The following SOX6 variants were observed in gnomAD, a reference collection of about 807,000 sequenced individuals.
The protein encoded by SOX6 is SRY-box transcription factor 6.
A neutral mutation model predicts 97.8 loss-of-function variants in SOX6; 11 were observed. The ratio of observed to expected loss-of-function variants is 0.11; its 90% CI spans 0.07 to 0.19. The LOEUF (loss-of-function observed/expected upper bound fraction) is 0.19. SOX6 is among the 10% of genes least tolerant of loss of function. SOX6 has a pLI of 1.00. For synonymous variants in SOX6, 360 were observed against 371.4 expected, an observed-to-expected ratio of 0.97 and a Z score of 0.35; for missense variants, 810 against 1,039.5, an observed-to-expected ratio of 0.78 and a Z score of 3.04.
At chr11:16,078,713 T>C (rs1194469452) in intron 9 of SOX6, among the ~76,000 whole-genome samples, 1 of 151,986 alleles carries the variant, frequency 6.6e-6, no homozygotes, top group African/African-American at 2.4e-5. Context: ...ATCAGGTATA[T>C]GAGTATGGGG....
chr11:16,234,508 A>T, intron 4 of SOX6, 74 bp downstream of exon 4: 1 of 857,770 alleles, frequency 1.2e-6, no homozygotes. Context: ...AGTACAGAAG[A>T]TCAGCAAATA....
At chr11:16,108,144 T>C (rs1162919529) in intron 7 of SOX6, among the ~76,000 whole-genome samples, 1 of 152,160 alleles carries the variant, frequency 6.6e-6, no homozygotes, top group Non-Finnish European at 1.5e-5. Context: ...AATAAAATAG[T>C]CCATGTGAAA....
chr11:16,565,149 A>G (rs886392076), intron 4 of SOX6, among the ~76,000 whole-genome samples: 1 of 152,204 alleles, frequency 6.6e-6, no homozygotes, highest in Non-Finnish European at 1.5e-5. Context: ...AGACATAAAA[A>G]GGATAGTAAG....
rs1347650894 is a variant in SOX6 at position 16,613,308 on chromosome 11, T to C, written n.430-1048A>G. ...CCCCTGCCACTCAGATCAGCCGGCATGCACCCTGGAGAAGGGCACAAACAC... is the reference window on the plus strand; with the variant it reads ...CCCCTGCCACTCAGATCAGCCGGCACGCACCCTGGAGAAGGGCACAAACAC... On this transcript the variant is annotated intron_variant and non_coding_transcript_variant, in intron 3 of 5. Transcript: ENST00000524520. The surrounding 1 kb of genome is among the most constrained non-coding windows in gnomAD (Gnocchi z 4.6). The C allele has an allele frequency of 6.6e-6, 1 of 152,520 alleles. No homozygotes were observed. Among genetic ancestry groups the C allele is most frequent in the Non-Finnish European group, 1.5e-5 (1 of 68,318 alleles). 9.4% of individuals were successfully genotyped at this position (152,520 alleles called of 1,614,324 possible). A position where few individuals can be genotyped will look rare whatever the true frequency, so the allele number is the denominator to read the frequency against.
At chr11:16,199,577 A>G (rs1221209408) in intron 4 of SOX6, among the ~76,000 whole-genome samples, 1 of 152,232 alleles carries the variant, frequency 6.6e-6, no homozygotes, top group Non-Finnish European at 1.5e-5. Flanking sequence ...GTTTAAGACA[A>G]TGACTTCACA....
At chr11:16,512,359 T>C (rs1021791114) in intron 4 of SOX6, among the ~76,000 whole-genome samples, 3 of 152,172 alleles carry the variant, frequency 2.0e-5, no homozygotes, top group Non-Finnish European at 2.9e-5. Flanking sequence ...ACCACATTCA[T>C]CTCTATGACA....
chr11:16,126,526 C>T (rs1264519677), intron 6 of SOX6, among the ~76,000 whole-genome samples: 1 of 152,062 alleles, frequency 6.6e-6, no homozygotes, highest in Non-Finnish European at 1.5e-5. Flanking sequence ...TTTTAACTGA[C>T]AGGTAGGAGA....
chr11:16,306,488 T>G (rs1480989666), intron 3 of SOX6, among the ~76,000 whole-genome samples: 1 of 152,142 alleles, frequency 6.6e-6, no homozygotes, highest in African/African-American at 2.4e-5. Context: ...TACAAAGTTA[T>G]TCTGGATAGG....
chr11:16,075,365 T>A (rs575343522), intron 9 of SOX6, among the ~76,000 whole-genome samples: 1 of 152,128 alleles, frequency 6.6e-6, no homozygotes, highest in Non-Finnish European at 1.5e-5. Flanking sequence ...CATGAATGTT[T>A]ATTGTGGCAC....
At chr11:16,478,843 T>C (rs962790866), upstream of SOX6, among the ~76,000 whole-genome samples, 3 of 152,194 alleles carry the variant, frequency 2.0e-5, no homozygotes, top group Non-Finnish European at 4.4e-5. Context: ...ATGGTCCTGA[T>C]GGCAGCACAA....
intron 4 of SOX6, among the ~76,000 whole-genome samples, chr11:16,569,596 C>T (rs1244610429): frequency 6.6e-6 from 1 of 151,992 alleles, no homozygotes; most frequent in Admixed American, 6.5e-5. Flanking sequence ...CATTTTGTTT[C>T]TTGGATATAG....
intron 2 of SOX6, among the ~76,000 whole-genome samples, chr11:16,722,650 C>CA (rs534286905): frequency 2.7e-4 from 38 of 139,756 alleles, no homozygotes; most frequent in African/African-American, 4.7e-4. Flanking sequence ...AACTCTGTCT[C>CA]AAAAAAAAAA....
At chr11:16,089,517 T>C (rs1417359695) in intron 9 of SOX6, among the ~76,000 whole-genome samples, 1 of 152,078 alleles carries the variant, frequency 6.6e-6, no homozygotes, top group African/African-American at 2.4e-5. Context: ...CAGAAGAGAA[T>C]CCAGTTATTA....
chr11:16,049,891 T>G lies in SOX6; in HGVS notation c.1299A>C (p.Thr433=), dbSNP rs200413780. ...ACGTTGGGGACTTTACAGGCTCTGC[T>G]GTCTTGGGTCGGGATGAGAGATTCA... is the stretch of plus-strand genomic sequence containing the variant. The part of the protein sequence containing the change: ...QPLNLSSRPK[T]AEPVKSPTSP... Residue 433 remains threonine (T), a synonymous_variant, in exon 11 of 16, where the codon ACA becomes ACC. Transcript: ENST00000683767. 6.2e-7 allele frequency: 1 copy of G among 1,613,826 alleles called. No individual in the cohort carries two copies. The highest frequency in any genetic ancestry group is 8.5e-7 in the Non-Finnish European group (1 of 1,179,798).
chr11:16,665,184 AG>A (rs1847797909), intron 3 of SOX6, among the ~76,000 whole-genome samples: 1 of 151,968 alleles, frequency 6.6e-6, no homozygotes, highest in Non-Finnish European at 1.5e-5. Flanking sequence ...AGAACGGTAA[AG>A]GGGACTTTGT....
At chr11:16,190,946 T>C (rs1249625401) in intron 4 of SOX6, among the ~76,000 whole-genome samples, 1 of 152,088 alleles carries the variant, frequency 6.6e-6, no homozygotes, top group Non-Finnish European at 1.5e-5. Context: ...TAACATCAAG[T>C]CTAAATCACA....
Position 16,613,748 on chromosome 11 carries a change from T to C in SOX6, n.430-1488A>G, listed in dbSNP as rs1477375960. Among the ~76,000 whole-genome samples the C allele has an allele frequency of 2.0e-5, 3 of 152,170 alleles. No individual in the cohort carries two copies. The highest frequency in any genetic ancestry group is 4.4e-5 in the Non-Finnish European group (3 of 68,024). On this transcript the variant is annotated intron_variant and non_coding_transcript_variant, in intron 3 of 5. Coordinates refer to the SOX6 transcript ENST00000524520. The surrounding 1 kb of genome is among the most constrained non-coding windows in gnomAD (Gnocchi z 4.6). Reference sequence around the variant, plus strand: ...GCCCGCTCCAGAGCATCGGGGAAACTAGACTGTTCCGTGGATGAACTGCGA... The same window carrying C: ...GCCCGCTCCAGAGCATCGGGGAAACCAGACTGTTCCGTGGATGAACTGCGA...
chr11:16,536,649 C>CTCCGATGTGTGGCTCGGCGGG (rs1482836387), intron 4 of SOX6, among the ~76,000 whole-genome samples: 2 of 152,254 alleles, frequency 1.3e-5, no homozygotes, highest in African/African-American at 4.8e-5. Flanking sequence ...AGGAGATTCC[C>CTCCGATGTGTGGCTCGGCGGG]TCCCATGTGT....
chr11:16,003,719 G>A (rs914521396), intron 13 of SOX6, among the ~76,000 whole-genome samples: 2 of 152,038 alleles, frequency 1.3e-5, no homozygotes, highest in African/African-American at 2.4e-5. Flanking sequence ...TCTGAAATCA[G>A]ATCTTGTAGA....
Sources: allele counts gnomAD v4.1 joint callset (sites outside exome capture counted in the v4.1 genomes callset), GRCh38; gene constraint gnomAD v4.1.1; non-coding constraint Gnocchi (gnomAD v3.1); transcripts MANE v1.5; gene names NCBI Gene and HGNC (gene_info 2026-07-23, HGNC 2026-07-21).